VPS13D: variants seen among roughly 807,000 people sequenced by gnomAD.
The protein encoded by VPS13D is vacuolar protein sorting 13 homolog D, also known as intermembrane lipid transfer protein VPS13D.
A neutral mutation model predicts 461.9 loss-of-function variants in VPS13D; 187 were observed. The observed-to-expected ratio is 0.40, with a 90% CI of 0.36 to 0.46. The LOEUF (loss-of-function observed/expected upper bound fraction) is 0.46, where lower values mean the gene tolerates loss of function less well. Among genes scored for constraint, VPS13D ranks in the 20% least tolerant of loss-of-function variants. The pLI, the probability that VPS13D is intolerant of heterozygous loss-of-function variation, is 0.60. For missense variants in VPS13D, 4,711 were observed against 5,364.9 expected (o/e 0.88, Z 3.81); for synonymous variants, 1,951 against 1,986.3 (o/e 0.98, Z 0.47).
rs1641351810 is a variant in VPS13D at position 12,268,847 on chromosome 1, T to A, written c.1943T>A (p.Phe648Tyr). Residue 648 changes from phenylalanine to tyrosine, a missense_variant, in exon 16 of 70, where the codon TTT becomes TAT. By Grantham distance (22) the Phe-to-Tyr change is conservative (BLOSUM62 3). Around this residue, in one of 3 missense-constraint regions of VPS13D, gnomAD observed 4,411 missense variants for 4,937.8 expected, o/e 0.89. Coordinates refer to ENST00000620676, the MANE Select transcript of VPS13D (RefSeq NM_015378.4). Reference protein sequence around the residue: ...NPQAIKKVADFFYKGKVHTSG... With the variant: ...NPQAIKKVADYFYKGKVHTSG... ...CAGGCCATTAAAAAAGTAGCAGACTTTTTCTACAAGGGAAAGGTTCATACC... is the reference window on the plus strand; with the variant it reads ...CAGGCCATTAAAAAAGTAGCAGACTATTTCTACAAGGGAAAGGTTCATACC... 2 of 1,613,234 alleles carry A rather than the reference T, an allele frequency of 1.2e-6. No individual in the cohort carries two copies. Among genetic ancestry groups the A allele is most frequent in the Non-Finnish European group, 1.7e-6 (2 of 1,179,718 alleles).
At position 12,381,561 on chromosome 1, in the gene VPS13D, C is replaced by T. The variant is rs117169226; in HGVS notation, c.11191-1415C>T. 5.9e-4 allele frequency among the ~76,000 whole-genome samples: 90 copies of T among 152,304 alleles called. No homozygotes were observed. The East Asian group carries it at 0.016, about 27-fold the overall frequency. On this transcript the variant is annotated intron_variant, in intron 57 of 69. Transcript: ENST00000620676. Reference sequence around the variant, plus strand: ...TGGACCAACTGTAACCTAGAGTAATCGGCAGGCAAGATTGAAATCCTTACT... The same window carrying T: ...TGGACCAACTGTAACCTAGAGTAATTGGCAGGCAAGATTGAAATCCTTACT...
chr1:12,253,602 A>G (rs1185524059), intron 6 of VPS13D, 120 bp from the exon 7 acceptor site: 6 of 729,518 alleles, frequency 8.2e-6, no homozygotes, highest in Admixed American at 2.3e-5. Flanking sequence ...ATTGAGTTAT[A>G]TGTCCACAGC....
intron 7 of VPS13D, 37 bp downstream of exon 7, chr1:12,253,863 A>T: frequency 6.3e-7 from 1 of 1,575,982 alleles, no homozygotes; most frequent in Non-Finnish European, 8.7e-7. Context: ...GCAAGACAGC[A>T]TGGAAGGGAA....
At chr1:12,436,896 G>A (rs1016212045) in intron 65 of VPS13D, among the ~76,000 whole-genome samples, 6 of 152,118 alleles carry the variant, frequency 3.9e-5, no homozygotes, top group Admixed American at 6.5e-5. Context: ...TCGAACTCCC[G>A]ACCTCAGGTG....
At chr1:12,392,561 AAAAG>A (rs1553187444) in intron 60 of VPS13D, among the ~76,000 whole-genome samples, 23 of 151,346 alleles carry the variant, frequency 1.5e-4, no homozygotes, top group Middle Eastern at 3.2e-3. Flanking sequence ...AAAAAAAAAA[AAAAG>A]AAAGCACACA....
chr1:12,470,564 T>A (rs1645549678), intron 67 of VPS13D, among the ~76,000 whole-genome samples: 1 of 152,252 alleles, frequency 6.6e-6, no homozygotes, highest in African/African-American at 2.4e-5. Flanking sequence ...AAATTGACAG[T>A]AGAAATTTAT....
chr1:12,290,687 T>C (rs574905235), intron 22 of VPS13D, among the ~76,000 whole-genome samples: 39 of 150,692 alleles, frequency 2.6e-4, no homozygotes, highest in East Asian at 1.6e-3. Context: ...CGCGCCACTG[T>C]ACTCCAGCCT....
chr1:12,499,673 A>G (rs1350649718), intron 68 of VPS13D: 1 of 985,356 alleles, frequency 1.0e-6, no homozygotes, highest in Non-Finnish European at 1.2e-6. Flanking sequence ...GATGAAAACC[A>G]TGTGTCTCCA....
At chr1:12,425,112 CT>C (rs1644908063) in intron 65 of VPS13D, among the ~76,000 whole-genome samples, 1 of 152,142 alleles carries the variant, frequency 6.6e-6, no homozygotes, top group Non-Finnish European at 1.5e-5. Context: ...GACACTCACT[CT>C]GTTTGGAAGG....
chr1:12,311,746 T>G, intron 28 of VPS13D, 67 bp from the exon 29 acceptor site: 1 of 1,585,246 alleles, frequency 6.3e-7, no homozygotes, highest in South Asian at 1.1e-5. Context: ...TTAGATTTCT[T>G]GGCGTATGAG....
intron 26 of VPS13D, 38 bp from the exon 27 acceptor site, chr1:12,308,393 C>CA: frequency 6.2e-7 from 1 of 1,608,102 alleles, no homozygotes; most frequent in South Asian, 1.1e-5. Context: ...TTTGGGTCCC[C>CA]TTTTCTTCAT....
At chr1:12,400,818 T>G (rs1454129726) in intron 61 of VPS13D, among the ~76,000 whole-genome samples, 6 of 152,074 alleles carry the variant, frequency 3.9e-5, no homozygotes. Context: ...CTGGACCTGG[T>G]GGCAAGCACC....
intron 24 of VPS13D, 103 bp downstream of exon 24, chr1:12,293,807 T>C: frequency 8.3e-7 from 1 of 1,204,200 alleles, no homozygotes; most frequent in Non-Finnish European, 1.1e-6. Flanking sequence ...AAGTTATCCT[T>C]GCTAATATGT....
At chr1:12,426,225 T>C (rs748183626) in intron 65 of VPS13D, among the ~76,000 whole-genome samples, 2 of 152,220 alleles carry the variant, frequency 1.3e-5, no homozygotes, top group African/African-American at 2.4e-5. Flanking sequence ...ATTTAAATCA[T>C]GTGGGATGTG....
At chr1:12,321,721 C>A in intron 32 of VPS13D, 88 bp from the exon 33 acceptor site, 1 of 1,405,652 alleles carries the variant, frequency 7.1e-7, no homozygotes, top group Non-Finnish European at 9.6e-7. Context: ...ACATGGCTGA[C>A]TGCTTCTGAG....
chr1:12,460,073 T>G, intron 66 of VPS13D, 128 bp from the exon 67 acceptor site: 1 of 777,770 alleles, frequency 1.3e-6, no homozygotes, highest in Non-Finnish European at 1.9e-6. Context: ...TTGGCCTGTC[T>G]GTGGCCTCTC....
intron 60 of VPS13D, among the ~76,000 whole-genome samples, chr1:12,395,272 C>T (rs1644480298): frequency 6.6e-6 from 1 of 152,112 alleles, no homozygotes; most frequent in Non-Finnish European, 1.5e-5. Flanking sequence ...GAAGCTCATC[C>T]TTCTGGCAAA....
chr1:12,497,328 G>T, intron 67 of VPS13D, 172 bp from the exon 68 acceptor site: 1 of 652,348 alleles, frequency 1.5e-6, no homozygotes, highest in Admixed American at 4.0e-5. Context: ...GTCAAATGAG[G>T]GTCTTTAACC....
Position 12,355,894 on chromosome 1 carries a change from T to C in VPS13D, c.9680-5T>C, listed in dbSNP as rs1302885038. The C allele has an allele frequency of 4.5e-6, 7 of 1,568,358 alleles. No individual in the cohort carries two copies. Among genetic ancestry groups the C allele is most frequent in the Non-Finnish European group, 6.1e-6 (7 of 1,152,640 alleles). On this transcript the variant is annotated splice_polypyrimidine_tract_variant and splice_region_variant and intron_variant, in intron 47 of 69. Coordinates refer to ENST00000620676, the MANE Select transcript of VPS13D (RefSeq NM_015378.4). ...CTGAAAGTTAATAGTTTGTATCTTC[T>C]TTAGGGGTATCACTGGAGAATTTCC...
Sources: allele counts gnomAD v4.1 joint callset (sites outside exome capture counted in the v4.1 genomes callset), GRCh38; gene constraint gnomAD v4.1.1; regional missense constraint gnomAD v4.1.1; transcripts MANE v1.5; gene names NCBI Gene and HGNC (gene_info 2026-07-23, HGNC 2026-07-21).